The following SCHIP1 variants were observed in gnomAD, a reference collection of about 807,000 sequenced individuals.
The protein encoded by SCHIP1 is schwannomin-interacting protein 1.
SCHIP1 carries 8 observed loss-of-function variants against 29.7 expected under a neutral mutation model. The ratio of observed to expected loss-of-function variants is 0.27; its 90% CI spans 0.16 to 0.49. The LOEUF (loss-of-function observed/expected upper bound fraction) is 0.49, where lower values mean the gene tolerates loss of function less well. SCHIP1 is among the 20% of genes least tolerant of loss of function. SCHIP1 has a pLI of 0.99. For synonymous variants in SCHIP1, 76 were observed against 94.9 expected, an observed-to-expected ratio of 0.80 and a Z score of 1.16; for missense variants, 193 against 294.6, an observed-to-expected ratio of 0.66 and a Z score of 2.52.
At chr3:159,396,752 C>T in the SCHIP1 span, among the ~76,000 whole-genome samples, 35 of 151,740 alleles carry the variant, frequency 2.3e-4, no homozygotes, top group African/African-American at 8.4e-4. Flanking sequence ...CTGCCCTTAA[C>T]ATTTTTTCCT....
At chr3:159,587,674 G>A in the SCHIP1 span, among the ~76,000 whole-genome samples, 1 of 152,060 alleles carries the variant, frequency 6.6e-6, no homozygotes, top group African/African-American at 2.4e-5. Context: ...CGGTGTCCAA[G>A]TGTTCTCATT....
intron 6 of SCHIP1, chr3:159,892,472 T>C: frequency 3.5e-6 from 2 of 572,662 alleles, no homozygotes; most frequent in East Asian, 5.7e-5. Context: ...TGGAGGACTT[T>C]ACCTTGAAGG....
chr3:159,509,461 A>C, the SCHIP1 span, among the ~76,000 whole-genome samples: 4 of 152,188 alleles, frequency 2.6e-5, no homozygotes, highest in African/African-American at 9.7e-5. Context: ...CATTTAGCCC[A>C]TTTGAATTTA....
At chr3:159,373,096 C>T in the SCHIP1 span, among the ~76,000 whole-genome samples, 6 of 151,658 alleles carry the variant, frequency 4.0e-5, no homozygotes, top group African/African-American at 1.5e-4. Context: ...AACAGAAAAA[C>T]ACAAGGCCAC....
the SCHIP1 span, among the ~76,000 whole-genome samples, chr3:159,388,256 C>T: frequency 6.6e-6 from 1 of 152,010 alleles, no homozygotes; most frequent in African/African-American, 2.4e-5. Flanking sequence ...ATAAGGTAAA[C>T]ATTAAGAAAC....
At chr3:159,491,356 C>A in the SCHIP1 span, among the ~76,000 whole-genome samples, 1 of 152,338 alleles carries the variant, frequency 6.6e-6, no homozygotes, top group Admixed American at 6.5e-5. Flanking sequence ...CTTTCCTAGT[C>A]ACAGAAAGGG....
the SCHIP1 span, among the ~76,000 whole-genome samples, chr3:159,532,271 A>G: frequency 6.6e-6 from 1 of 152,154 alleles, no homozygotes; most frequent in Non-Finnish European, 1.5e-5. Flanking sequence ...ATGGTAAACA[A>G]TGTTTATTGT....
At chr3:159,315,159 G>C in the SCHIP1 span, among the ~76,000 whole-genome samples, 2 of 149,280 alleles carry the variant, frequency 1.3e-5, no homozygotes, top group Non-Finnish European at 3.0e-5. Context: ...CCATGTCCTT[G>C]TCAACACTTG....
chr3:159,530,768 C>G, the SCHIP1 span, among the ~76,000 whole-genome samples: 4,900 of 152,224 alleles, frequency 0.032, 101 homozygotes, highest in Non-Finnish European at 0.047. Context: ...ATGTGTATGC[C>G]CTGACAAGGA....
At chr3:159,317,711 C>T in the SCHIP1 span, among the ~76,000 whole-genome samples, 13 of 152,284 alleles carry the variant, frequency 8.5e-5, no homozygotes, top group East Asian at 1.3e-3. Flanking sequence ...AGCCCACTGG[C>T]GCACTTCTTT....
the SCHIP1 span, among the ~76,000 whole-genome samples, chr3:159,555,885 G>C: frequency 6.6e-6 from 1 of 152,136 alleles, no homozygotes; most frequent in Non-Finnish European, 1.5e-5. Context: ...CATGGACACA[G>C]GGAGGGGAAC....
the SCHIP1 span, among the ~76,000 whole-genome samples, chr3:159,487,502 G>A: frequency 1.3e-5 from 2 of 152,154 alleles, no homozygotes; most frequent in Non-Finnish European, 1.5e-5. Flanking sequence ...AGTTGGAGCT[G>A]CTTTTTTCCA....
At chr3:159,870,755 G>A (rs1320468498) in intron 2 of SCHIP1, among the ~76,000 whole-genome samples, 1 of 151,848 alleles carries the variant, frequency 6.6e-6, no homozygotes, top group Non-Finnish European at 1.5e-5. Context: ...TGAATCTATT[G>A]TATTCTTTTC....
At chr3:159,392,830 T>A in the SCHIP1 span, among the ~76,000 whole-genome samples, 1 of 152,194 alleles carries the variant, frequency 6.6e-6, no homozygotes, top group Non-Finnish European at 1.5e-5. Flanking sequence ...ATATACCCAG[T>A]AATGGGATGG....
chr3:159,434,339 T>G, the SCHIP1 span, among the ~76,000 whole-genome samples: 2 of 152,258 alleles, frequency 1.3e-5, no homozygotes, highest in East Asian at 3.9e-4. Flanking sequence ...TTGCTGATGC[T>G]ACTCCATATC....
At chr3:159,412,151 G>A in the SCHIP1 span, among the ~76,000 whole-genome samples, 1 of 152,160 alleles carries the variant, frequency 6.6e-6, no homozygotes, top group African/African-American at 2.4e-5. Flanking sequence ...GGCTTAGGAA[G>A]GATAAGCAAC....
intron 1 of SCHIP1, among the ~76,000 whole-genome samples, chr3:159,847,567 C>T (rs1712003344): frequency 6.6e-6 from 1 of 152,132 alleles, no homozygotes; most frequent in Non-Finnish European, 1.5e-5. Flanking sequence ...CACAGAGAAA[C>T]ATAATGAGGA....
the SCHIP1 span, among the ~76,000 whole-genome samples, chr3:159,369,387 T>C: frequency 3.3e-5 from 5 of 152,140 alleles, 1 homozygote; most frequent in African/African-American, 1.2e-4. Context: ...TACTACTTCA[T>C]TGTGGTATGT....
chr3:159,612,242 C>G, the SCHIP1 span, among the ~76,000 whole-genome samples: 4 of 151,780 alleles, frequency 2.6e-5, no homozygotes. Flanking sequence ...AAAATGAATA[C>G]TGATATAAAA....
Sources: gnomAD v4.1 joint callset for allele counts (sites outside exome capture counted in the v4.1 genomes callset) on GRCh38, gnomAD v4.1.1 for gene constraint, MANE v1.5 for transcripts, NCBI Gene and HGNC (gene_info 2026-07-23, HGNC 2026-07-21) for gene names.